The following CLVS1 variants were observed in gnomAD, a reference collection of about 807,000 sequenced individuals.
CLVS1 encodes clavesin-1.
Under a neutral mutation model 33.1 loss-of-function variants are expected in CLVS1, and 10 were observed. That is an observed-to-expected ratio of 0.30 (90% confidence interval 0.19 to 0.51). CLVS1 has a LOEUF of 0.51. CLVS1 is among the 20% of genes least tolerant of loss of function. The probability of loss-of-function intolerance (pLI) is 0.97; values close to 1 mark genes in which losing one functional copy is unlikely to be tolerated. For missense variants in CLVS1, 343 were observed against 433.4 expected, an observed-to-expected ratio of 0.79 and a Z score of 1.85; for synonymous variants, 163 against 166.1, an observed-to-expected ratio of 0.98 and a Z score of 0.14.
intron 2 of CLVS1, among the ~76,000 whole-genome samples, chr8:61,230,263 T>G (rs934937470): frequency 3.3e-5 from 5 of 152,166 alleles, no homozygotes; most frequent in Admixed American, 6.5e-5. Context: ...TTAAATATCT[T>G]AAATGTTAAT....
chr8:61,399,015 C>A (rs1049222299), intron 3 of CLVS1, among the ~76,000 whole-genome samples: 1 of 152,232 alleles, frequency 6.6e-6, no homozygotes, highest in South Asian at 2.1e-4. Flanking sequence ...TGAACATACA[C>A]GTGAATGTAT....
the CLVS1 span, among the ~76,000 whole-genome samples, chr8:61,024,306 A>C: frequency 6.6e-6 from 1 of 152,162 alleles, no homozygotes; most frequent in African/African-American, 2.4e-5. Flanking sequence ...ATTTGATTGT[A>C]GTTTAGCAAA....
intron 5 of CLVS1, among the ~76,000 whole-genome samples, chr8:61,461,821 T>C (rs1472763817): frequency 6.6e-6 from 1 of 152,208 alleles, no homozygotes; most frequent in Admixed American, 6.5e-5. Flanking sequence ...ATGACACCAA[T>C]TGATACTCCC....
At chr8:60,999,168 C>G in the CLVS1 span, among the ~76,000 whole-genome samples, 1 of 152,198 alleles carries the variant, frequency 6.6e-6, no homozygotes, top group Non-Finnish European at 1.5e-5. Context: ...GTGTTTAGCT[C>G]TAAGACGGAG....
chr8:61,210,193 G>A (rs927060916), intron 2 of CLVS1, among the ~76,000 whole-genome samples: 2 of 152,224 alleles, frequency 1.3e-5, no homozygotes, highest in African/African-American at 2.4e-5. Flanking sequence ...CTTTTGGGAA[G>A]TAGTTAAGGG....
the CLVS1 span, among the ~76,000 whole-genome samples, chr8:61,040,861 G>GT: frequency 6.6e-6 from 1 of 151,910 alleles, no homozygotes; most frequent in African/African-American, 2.4e-5. Flanking sequence ...AATATTTTTT[G>GT]TTGTTGCAAT....
In CLVS1 at chr8:61,313,481, G is replaced by T. The variant is rs529712460; in HGVS notation, c.455+13199G>T. Among the ~76,000 whole-genome samples the T allele has an allele frequency of 3.3e-5, 5 of 152,276 alleles. No homozygotes were observed. The East Asian group carries it at 7.7e-4, about 24-fold the overall frequency. ...TTTCCAAGCTCATATTCACACAAAG[G>T]ATTGGAATAGATATGAGCATGCCAG... is the stretch of plus-strand genomic sequence containing the variant. On this transcript the variant is annotated intron_variant, in intron 2 of 5. Transcript: ENST00000325897.
chr8:61,296,461 T>C (rs562645420), intron 1 of CLVS1, among the ~76,000 whole-genome samples: 1 of 152,326 alleles, frequency 6.6e-6, no homozygotes, highest in African/African-American at 2.4e-5. Flanking sequence ...ATGCTTTAAA[T>C]CTTCTGTAGG....
At chr8:61,251,863 A>T (rs1273438570) in intron 2 of CLVS1, among the ~76,000 whole-genome samples, 3 of 152,056 alleles carry the variant, frequency 2.0e-5, no homozygotes, top group African/African-American at 7.2e-5. Context: ...TCAAAAAACC[A>T]GCTTCTGAAT....
intron 2 of CLVS1, among the ~76,000 whole-genome samples, chr8:61,195,810 G>A (rs969919611): frequency 1.3e-4 from 20 of 152,034 alleles, no homozygotes; most frequent in African/African-American, 3.9e-4. Context: ...ACACAGAAAT[G>A]GTGAGACTTG....
At chr8:61,245,395 C>G in intron 2 of CLVS1, among the ~76,000 whole-genome samples, 1 of 152,120 alleles carries the variant, frequency 6.6e-6, no homozygotes. Flanking sequence ...CCATGTTGGC[C>G]AGGATGGCCT....
chr8:61,018,698 T>C, the CLVS1 span, among the ~76,000 whole-genome samples: 6 of 152,236 alleles, frequency 3.9e-5, no homozygotes, highest in African/African-American at 1.2e-4. Flanking sequence ...TACTGGGCTA[T>C]GGAGGATCAT....
the CLVS1 span, among the ~76,000 whole-genome samples, chr8:61,037,963 G>A: frequency 6.6e-6 from 1 of 152,164 alleles, no homozygotes; most frequent in Non-Finnish European, 1.5e-5. Context: ...TTTGTGCTGA[G>A]GCCTGAGGAT....
At chr8:61,156,295 A>G (rs915313173) in intron 2 of CLVS1, among the ~76,000 whole-genome samples, 2 of 151,316 alleles carry the variant, frequency 1.3e-5, no homozygotes, top group Non-Finnish European at 2.9e-5. Flanking sequence ...TCCCCCGAGA[A>G]GCTCTATGCC....
chr8:61,278,543 G>T (rs1462354030), intron 2 of CLVS1, among the ~76,000 whole-genome samples: 1 of 152,160 alleles, frequency 6.6e-6, no homozygotes, highest in African/African-American at 2.4e-5. Flanking sequence ...GGAGGTGTTG[G>T]ACATAACTTT....
At chr8:60,965,630 G>A in the CLVS1 span, among the ~76,000 whole-genome samples, 2 of 152,186 alleles carry the variant, frequency 1.3e-5, no homozygotes, top group African/African-American at 4.8e-5. Context: ...TGAAACAGGA[G>A]GATGCAGGCA....
chr8:61,104,881 T>A (rs915748096), intron 1 of CLVS1, among the ~76,000 whole-genome samples: 1 of 152,064 alleles, frequency 6.6e-6, no homozygotes, highest in Non-Finnish European at 1.5e-5. Flanking sequence ...CAGGCTGGAG[T>A]GCAATGGTAT....
At chr8:61,131,317 T>C (rs1465178970) in intron 1 of CLVS1, among the ~76,000 whole-genome samples, 3 of 152,230 alleles carry the variant, frequency 2.0e-5, no homozygotes, top group African/African-American at 7.2e-5. Context: ...TGTAAGGTGA[T>C]GAAGGTGCGA....
intron 3 of CLVS1, among the ~76,000 whole-genome samples, chr8:61,438,314 T>TAAA (rs1349972255): frequency 6.6e-6 from 1 of 152,194 alleles, no homozygotes; most frequent in Non-Finnish European, 1.5e-5. Context: ...TTGTTGAGGA[T>TAAA]AATGACTTCC....
Sources: gnomAD v4.1 joint callset for allele counts (sites outside exome capture counted in the v4.1 genomes callset) on GRCh38, gnomAD v4.1.1 for gene constraint, MANE v1.5 for transcripts, NCBI Gene and HGNC (gene_info 2026-07-23, HGNC 2026-07-21) for gene names.